Variants in HCFC2 observed in about 807,000 individuals in gnomAD.
The protein encoded by HCFC2 is host cell factor C2, also known as host cell factor 2.
A neutral mutation model predicts 89.2 loss-of-function variants in HCFC2; 18 were observed. The ratio of observed to expected loss-of-function variants is 0.20; its 90% CI spans 0.14 to 0.30. HCFC2 has a LOEUF of 0.30. Ranked by LOEUF, HCFC2 falls within the 10% of genes least tolerant of loss-of-function variation. HCFC2 has a pLI of 1.00. For synonymous variants in HCFC2, 308 were observed against 335.7 expected, an observed-to-expected ratio of 0.92 and a Z score of 0.90; for missense variants, 578 against 956.1, an observed-to-expected ratio of 0.60 and a Z score of 5.21.
chr12:104,096,277 C>A, intron 11 of HCFC2, 83 bp from the exon 12 acceptor site: 1 of 873,102 alleles, frequency 1.1e-6, no homozygotes, highest in South Asian at 2.2e-5. Context: ...CAGTTGGTGG[C>A]ATTAAATATA....
At chr12:104,096,671 A>T (rs1393750872) in intron 12 of HCFC2, among the ~76,000 whole-genome samples, 1 of 152,248 alleles carries the variant, frequency 6.6e-6, no homozygotes, top group Non-Finnish European at 1.5e-5. Flanking sequence ...CATGCAGTTC[A>T]TACATTTATA....
chr12:104,092,570 C>T (rs749402359), intron 9 of HCFC2, among the ~76,000 whole-genome samples: 1 of 152,108 alleles, frequency 6.6e-6, no homozygotes, highest in African/African-American at 2.4e-5. Context: ...GTCAGGAGTT[C>T]AAGACCAGCC....
chr12:104,094,887 G>A (rs943939739), intron 10 of HCFC2, among the ~76,000 whole-genome samples: 1 of 152,120 alleles, frequency 6.6e-6, no homozygotes, highest in Non-Finnish European at 1.5e-5. Flanking sequence ...AACATATAGG[G>A]GAAGGAATGG....
At chr12:104,069,049 T>TA (rs1883236972) in intron 3 of HCFC2, among the ~76,000 whole-genome samples, 1 of 152,184 alleles carries the variant, frequency 6.6e-6, no homozygotes, top group African/African-American at 2.4e-5. Context: ...CTCATGCCTA[T>TA]AATCCCAGCA....
rs2030033049 is a variant in HCFC2, at chr12:104,104,376, A to G, written c.*1103A>G. ...TACAACCTTAAAGATACAGATAGGCATTATAAACACTCTGCTACAGGTAAC... is the reference window on the plus strand; with the variant it reads ...TACAACCTTAAAGATACAGATAGGCGTTATAAACACTCTGCTACAGGTAAC... On this transcript the variant is annotated 3_prime_UTR_variant, in exon 15 of 15. Transcript: ENST00000229330. 6.6e-6 allele frequency: 1 copy of G among 152,080 alleles called. No individual in the cohort carries two copies. Among genetic ancestry groups the G allele is most frequent in the South Asian group, 2.1e-4 (1 of 4,834 alleles). 9.4% of individuals were successfully genotyped at this position (152,080 alleles called of 1,614,324 possible).
In HCFC2 at chr12:104,103,587, C is replaced by T. The variant is rs931062406; in HGVS notation, c.*314C>T. ...TTTTATAAGGGCTGTGTAACCCAGT[C>T]ATCCTAGAGTTATTGAGATGATTCT... is the stretch of plus-strand genomic sequence containing the variant. On this transcript the variant is annotated 3_prime_UTR_variant, in exon 15 of 15. Transcript: ENST00000229330. 12 of 271,156 alleles carry T rather than the reference C, an allele frequency of 4.4e-5. No homozygotes were observed. The highest frequency in any genetic ancestry group is 5.6e-5 in the Non-Finnish European group (8 of 142,572). The allele number at this position is 271,156 out of a possible 1,614,324, so 16.8% of individuals were successfully genotyped here.
Position 104,098,433 on chromosome 12 carries a change from G to C in HCFC2, c.1831G>C (p.Val611Leu). The C allele has an allele frequency of 1.2e-6, 2 of 1,611,330 alleles. No homozygotes were observed. Among genetic ancestry groups the C allele is most frequent in the Non-Finnish European group, 1.7e-6 (2 of 1,178,840 alleles). ...AATTTTTAAAAATAATACAGCTTTG[G>C]TGAGCCAGTTTTATTTGCTGCCAAA... The part of the protein sequence containing the change: ...VGIFKNNTAL[V>L]SQFYLLPKGK... Residue 611 changes from valine (V) to leucine (L), a missense_variant, in exon 13 of 15, where the codon GTG becomes CTG. Physicochemically the swap from Val to Leu is conservative, Grantham distance 32. Transcript: ENST00000229330.
chr12:104,070,170 C>T (rs1883275935), intron 3 of HCFC2, among the ~76,000 whole-genome samples: 1 of 151,968 alleles, frequency 6.6e-6, no homozygotes, highest in Non-Finnish European at 1.5e-5. Context: ...CTACAGGCGC[C>T]CACCACCACG....
intron 3 of HCFC2, among the ~76,000 whole-genome samples, chr12:104,074,176 C>T (rs1350739312): frequency 6.6e-6 from 1 of 152,118 alleles, no homozygotes; most frequent in African/African-American, 2.4e-5. Context: ...CTCACTCTGT[C>T]ACCTGGGGCT....
rs191840361 is a variant in HCFC2 at position 104,076,701 on chromosome 12, C to A, written c.474-2744C>A. ...TTTTGTATTTTGTTTCCTCTGCATT[C>A]CTGCCCCCACCACCAACCCTGACCA... On this transcript the variant is annotated intron_variant, in intron 3 of 14. Coordinates refer to ENST00000229330, the MANE Select transcript of HCFC2 (RefSeq NM_013320.3). Among the ~76,000 whole-genome samples the A allele has an allele frequency of 1.1e-4, 16 of 149,564 alleles. 1 individual carries two copies. Among genetic ancestry groups the A allele is most frequent in the African/African-American group, 3.9e-4 (16 of 40,894 alleles).
In HCFC2 at chr12:104,096,476, A is replaced by T; in HGVS notation, c.1740+43A>T. 4 of 1,356,570 alleles carry T rather than the reference A, an allele frequency of 2.9e-6. No individual in the cohort carries two copies. The Middle Eastern group carries it at 7.3e-4, about 247-fold the overall frequency. The allele number at this position is 1,356,570 out of a possible 1,614,324, so 84.0% of individuals were successfully genotyped here. ...TGATGATGCATGTTTACACATGATT[A>T]TGTACTTTTAAATGCTGAGCAACTT... On this transcript the variant is annotated intron_variant, in intron 12 of 14. Coordinates refer to ENST00000229330, the MANE Select transcript of HCFC2 (RefSeq NM_013320.3).
chr12:104,088,236 GA>G (rs1883923732), intron 9 of HCFC2, among the ~76,000 whole-genome samples, 198 bp downstream of exon 9: 1 of 152,188 alleles, frequency 6.6e-6, no homozygotes, highest in Admixed American at 6.5e-5. Flanking sequence ...GAATCTTTAG[GA>G]AAATGCCCAG....
intron 1 of HCFC2, among the ~76,000 whole-genome samples, chr12:104,065,547 A>G (rs1883076784): frequency 6.6e-6 from 1 of 152,244 alleles, no homozygotes; most frequent in Admixed American, 6.5e-5. Context: ...TCTTTGATCA[A>G]ACAACTTAAT....
intron 3 of HCFC2, among the ~76,000 whole-genome samples, chr12:104,076,285 T>C (rs940056487): frequency 6.6e-6 from 1 of 152,264 alleles, no homozygotes; most frequent in East Asian, 1.9e-4. Context: ...CTGGCTCTAT[T>C]AAATGAATGT....
At chr12:104,075,649 A>G (rs888533780) in intron 3 of HCFC2, among the ~76,000 whole-genome samples, 2 of 152,074 alleles carry the variant, frequency 1.3e-5, no homozygotes, top group Admixed American at 6.6e-5. Flanking sequence ...TTGTTGAGAC[A>G]GGATCTTGCC....
intron 2 of HCFC2, 25 bp from the exon 3 acceptor site, chr12:104,067,920 CTG>C (rs1883200010): frequency 1.3e-6 from 2 of 1,557,458 alleles, no homozygotes; most frequent in Non-Finnish European, 1.7e-6. Flanking sequence ...TTTTGTCTGA[CTG>C]TATTTGTGCC....
intron 9 of HCFC2, 48 bp from the exon 10 acceptor site, chr12:104,093,338 A>G: frequency 7.6e-7 from 1 of 1,309,742 alleles, no homozygotes; most frequent in Non-Finnish European, 1.0e-6. Flanking sequence ...ATGTATTTGT[A>G]TTTCATTGAA....
Position 104,086,889 on chromosome 12 carries a change from C to T in HCFC2, c.1106C>T (p.Thr369Ile). The T allele has an allele frequency of 6.2e-7, 1 of 1,614,008 alleles. No individual in the cohort carries two copies. The highest frequency in any genetic ancestry group is 8.5e-7 in the Non-Finnish European group (1 of 1,179,884). ...APSQVQLIKATTNSFHVKWDE... is the reference protein window; with the variant it reads ...APSQVQLIKAITNSFHVKWDE... Reference sequence around the variant, plus strand: ...TCTCAAGTACAGCTGATCAAAGCCACTACCAACTCCTTTCATGTCAAGTGG... The same window carrying T: ...TCTCAAGTACAGCTGATCAAAGCCATTACCAACTCCTTTCATGTCAAGTGG... The change falls in exon 8 of 15, where the codon ACT (threonine) becomes ATT (isoleucine). Residue 369 changes from threonine (T) to isoleucine (I), a missense_variant. This residue lies in a region of HCFC2 where 210 missense variants were observed against 251.7 expected (regional missense o/e 0.83). Transcript: ENST00000229330.
At chr12:104,070,684 C>G (rs1182291045) in intron 3 of HCFC2, among the ~76,000 whole-genome samples, 1 of 151,462 alleles carries the variant, frequency 6.6e-6, no homozygotes, top group East Asian at 1.9e-4. Context: ...ATGGTAGGAT[C>G]TTAACTTTTT....
Sources: allele counts gnomAD v4.1 joint callset (sites outside exome capture counted in the v4.1 genomes callset), GRCh38; gene constraint gnomAD v4.1.1; regional missense constraint gnomAD v4.1.1; transcripts MANE v1.5; gene names NCBI Gene and HGNC (gene_info 2026-07-23, HGNC 2026-07-21).